Variants in COL9A1 observed in about 807,000 individuals in gnomAD.
COL9A1 encodes the protein collagen type IX alpha 1 chain.
A neutral mutation model predicts 142.6 loss-of-function variants in COL9A1; 104 were observed. That is an observed-to-expected ratio of 0.73 (90% CI 0.62 to 0.86). COL9A1 has a LOEUF of 0.86. COL9A1 is among the 40% of genes least tolerant of loss of function. COL9A1 has a pLI of 0.00. For missense variants in COL9A1, 1,210 were observed against 1,176.6 expected (o/e 1.03, Z -0.42); for synonymous variants, 466 against 396.0 (o/e 1.18, Z -2.10).
intron 28 of COL9A1, among the ~76,000 whole-genome samples, chr6:70,243,206 G>A (rs545092406): frequency 5.3e-5 from 8 of 152,238 alleles, no homozygotes; most frequent in Admixed American, 2.6e-4. Flanking sequence ...AATTACTATT[G>A]CAACTTCAAA....
rs147731531 is a variant in COL9A1, at chr6:70,255,203, C to T, written c.1558G>A (p.Gly520Arg). Residue 520 changes from glycine (G) to arginine (R), a missense_variant and splice_region_variant, in exon 23 of 38, where the codon GGG becomes AGG. By Grantham distance (125) the Gly-to-Arg change is moderately radical. Transcript: ENST00000357250. ...GGAATTCCTCTAGCACCTTCAGCCC[C>T]CTGCAGGGAGGAAGAGAAAGAATAG... ...PGEAGPKGDR[G>R]AEGARGIPGL... 36 of 1,613,976 alleles carry T rather than the reference C, an allele frequency of 2.2e-5. No homozygotes were observed. In the African/African-American group the frequency reaches 4.4e-4, roughly 20 times the overall value.
chr6:70,219,675 G>C (rs1371611455), intron 37 of COL9A1, among the ~76,000 whole-genome samples: 1 of 152,238 alleles, frequency 6.6e-6, no homozygotes, highest in African/African-American at 2.4e-5. Flanking sequence ...GAAAGTGGAT[G>C]CGGGCAGCAG....
At position 70,226,186 on chromosome 6, in the gene COL9A1, A is replaced by G. The variant is rs572794215; in HGVS notation, c.2504-177T>C. Among the ~76,000 whole-genome samples the G allele has an allele frequency of 3.9e-5, 6 of 152,318 alleles. No homozygotes were observed. The East Asian group carries it at 1.2e-3, about 29-fold the overall frequency. On this transcript the variant is annotated intron_variant, in intron 36 of 37. Transcript: ENST00000357250. ...TCAAGTTCATCTATTAATAGATCTA[A>G]GGGGGGAAAATCAAATTATTATATT... is the stretch of plus-strand genomic sequence containing the variant.
At chr6:70,257,668 G>A (rs1333622565) in intron 20 of COL9A1, among the ~76,000 whole-genome samples, 2 of 152,094 alleles carry the variant, frequency 1.3e-5, no homozygotes, top group Non-Finnish European at 2.9e-5. Context: ...AATCACTTGG[G>A]CCCGAGAGGA....
At chr6:70,256,181 G>C (rs768106570) in intron 21 of COL9A1, among the ~76,000 whole-genome samples, 5 of 152,292 alleles carry the variant, frequency 3.3e-5, no homozygotes, top group Admixed American at 1.3e-4. Context: ...CATCTATCCT[G>C]TGCTCTAGCA....
chr6:70,280,259 T>C (rs1773060518), intron 10 of COL9A1: 2 of 1,245,476 alleles, frequency 1.6e-6, no homozygotes. Flanking sequence ...AAATCTAGTT[T>C]TGAATTTCTA....
Position 70,216,883 on chromosome 6 carries a change from C to T in COL9A1, c.*14G>A. On this transcript the variant is annotated 3_prime_UTR_variant, in exon 38 of 38. Coordinates refer to ENST00000357250, the MANE Select transcript of COL9A1 (RefSeq NM_001851.6). ...GGCGTGGTTCATGCAGACAGCCATG[C>T]AGCAGTAAGCCTTTCAAGGGTCAGG... 1.2e-6 allele frequency: 2 copies of T among 1,613,570 alleles called. No homozygotes were observed. Among genetic ancestry groups the T allele is most frequent in the East Asian group, 2.2e-5 (1 of 44,870 alleles).
At chr6:70,271,438 GA>G (rs1772395589) in intron 14 of COL9A1, among the ~76,000 whole-genome samples, 1 of 152,152 alleles carries the variant, frequency 6.6e-6, no homozygotes, top group Admixed American at 6.5e-5. Flanking sequence ...TGGAAGTTGG[GA>G]AGAAAAGTTT....
chr6:70,227,657 G>C (rs1769320678), intron 36 of COL9A1, among the ~76,000 whole-genome samples: 1 of 152,020 alleles, frequency 6.6e-6, no homozygotes, highest in Non-Finnish European at 1.5e-5. Flanking sequence ...AAGATGGAGT[G>C]TATGCTGCTT....
At chr6:70,258,511 A>G (rs555130631) in intron 20 of COL9A1, 2 of 152,336 alleles carry the variant, frequency 1.3e-5, no homozygotes, top group East Asian at 1.9e-4. Context: ...TTTGATCCCT[A>G]AAAAGTAGGA....
At chr6:70,280,324 T>A in intron 10 of COL9A1, 1 of 1,201,186 alleles carries the variant, frequency 8.3e-7, no homozygotes, top group Non-Finnish European at 1.0e-6. Flanking sequence ...TCACATTCCT[T>A]GGGATTTAGG....
intron 15 of COL9A1, 32 bp downstream of exon 15, chr6:70,270,282 A>C (rs770114164): frequency 6.2e-7 from 1 of 1,606,540 alleles, no homozygotes; most frequent in Admixed American, 1.7e-5. Flanking sequence ...ACTCTCAGAC[A>C]CAAACAGAAA....
chr6:70,256,050 A>G (rs556320310), intron 21 of COL9A1, among the ~76,000 whole-genome samples: 2 of 152,288 alleles, frequency 1.3e-5, no homozygotes. Flanking sequence ...AGGCAGTGAC[A>G]GCCCCTATGA....
chr6:70,277,490 A>T (rs1772845899), intron 10 of COL9A1, among the ~76,000 whole-genome samples: 1 of 152,230 alleles, frequency 6.6e-6, no homozygotes, highest in Non-Finnish European at 1.5e-5. Context: ...AGAAGAAAAC[A>T]TTACCAGAGC....
Position 70,258,997 on chromosome 6 carries a change from A to G in COL9A1, c.1449+1660T>C, listed in dbSNP as rs1288687996. On this transcript the variant is annotated intron_variant, in intron 20 of 37. Transcript: ENST00000357250. ...AAAGACACACAGTGAATGTTACTTA[A>G]GGTGACATAAATATAGAAATATGAA... 2.0e-5 allele frequency among the ~76,000 whole-genome samples: 3 copies of G among 152,198 alleles called. No individual in the cohort carries two copies. The East Asian group carries it at 5.8e-4, about 29-fold the overall frequency.
At chr6:70,252,501 T>C (rs1032788136) in intron 26 of COL9A1, among the ~76,000 whole-genome samples, 186 bp from the exon 27 acceptor site, 1 of 152,188 alleles carries the variant, frequency 6.6e-6, no homozygotes, top group Non-Finnish European at 1.5e-5. Context: ...ATTCAAGATA[T>C]TGTCTGTGAG....
intron 20 of COL9A1, 115 bp from the exon 21 acceptor site, chr6:70,256,936 A>G (rs1033414077): frequency 1.1e-6 from 1 of 900,842 alleles, no homozygotes; most frequent in Non-Finnish European, 1.8e-6. Context: ...TTGTGCCTGT[A>G]ATACACACAG....
intron 5 of COL9A1, among the ~76,000 whole-genome samples, chr6:70,287,891 T>A (rs1773516923): frequency 6.6e-6 from 1 of 152,198 alleles, no homozygotes; most frequent in Admixed American, 6.5e-5. Flanking sequence ...ATGTTCCTCA[T>A]CTCAGCAATC....
At chr6:70,242,195 G>C in intron 29 of COL9A1, 160 bp from the exon 30 acceptor site, 1 of 703,432 alleles carries the variant, frequency 1.4e-6, no homozygotes, top group Non-Finnish European at 2.6e-6. Context: ...ATATTCTCAG[G>C]AGAAGAGGGC....
Sources: allele counts gnomAD v4.1 joint callset (sites outside exome capture counted in the v4.1 genomes callset), GRCh38; gene constraint gnomAD v4.1.1; transcripts MANE v1.5; gene names NCBI Gene and HGNC (gene_info 2026-07-23, HGNC 2026-07-21).